Variants in LPA observed in about 807,000 individuals in gnomAD.
LPA encodes lipoprotein(a).
LPA carries 199 observed loss-of-function variants against 197.9 expected under a neutral mutation model. The ratio of observed to expected loss-of-function variants is 1.01; its 90% confidence interval spans 0.90 to 1.13. The LOEUF (loss-of-function observed/expected upper bound fraction) is 1.13. LPA is among the 50% of genes most tolerant of loss of function. The pLI is 0.00. For synonymous variants in LPA, 715 were observed against 639.5 expected, an observed-to-expected ratio of 1.12 and a Z score of -1.78; for missense variants, 1,853 against 1,785.8, an observed-to-expected ratio of 1.04 and a Z score of -0.68.
At chr6:160,647,990 G>A (rs1393742094) in intron 2 of LPA, among the ~76,000 whole-genome samples, 1 of 152,080 alleles carries the variant, frequency 6.6e-6, no homozygotes, top group Non-Finnish European at 1.5e-5. Flanking sequence ...CACCTCTTTT[G>A]TTACATAAGC....
At chr6:160,663,020 A>T (rs1056434099) in intron 1 of LPA, among the ~76,000 whole-genome samples, 1 of 152,214 alleles carries the variant, frequency 6.6e-6, no homozygotes, top group Admixed American at 6.5e-5. Flanking sequence ...CAACTGCTCA[A>T]CTACCTGGTG....
In LPA at chr6:160,578,620, C is replaced by T. The variant is rs754129341; in HGVS notation, c.4374G>A (p.Glu1458=). 3.1e-6 allele frequency: 5 copies of T among 1,614,016 alleles called. No individual in the cohort carries two copies. The highest frequency in any genetic ancestry group is 1.1e-5 in the South Asian group (1 of 91,078). ...CTGGACATCGTGTCAGGTTGCAGTA[C>T]TCCCACCTGACACTGGGATCCATGG... The part of the protein sequence containing the change: ...CYTMDPSVRW[E]YCNLTRCPVT... The change falls in exon 27 of 39, where the codon GAG becomes GAA. Residue 1458 remains glutamate, a synonymous_variant. Coordinates refer to ENST00000316300, the MANE Select transcript of LPA (RefSeq NM_005577.4).
intron 1 of LPA, among the ~76,000 whole-genome samples, chr6:160,654,060 A>T (rs1582902790): frequency 2.5e-4 from 3 of 12,210 alleles, no homozygotes; most frequent in Admixed American, 2.3e-3. Flanking sequence ...AATATATTAT[A>T]TATATTATAT....
chr6:160,611,498 T>A (rs537170521), intron 16 of LPA, 64 bp downstream of exon 16: 12 of 1,594,736 alleles, frequency 7.5e-6, no homozygotes, highest in Admixed American at 1.7e-5. Flanking sequence ...GCTTGAAGCA[T>A]GTCTCTTGTC....
intron 38 of LPA, 138 bp downstream of exon 38, chr6:160,532,393 G>A: frequency 2.6e-6 from 2 of 755,400 alleles, no homozygotes; most frequent in Admixed American, 1.8e-5. Flanking sequence ...GACAGATCTG[G>A]GGAGTTTCTG....
intron 28 of LPA, among the ~76,000 whole-genome samples, chr6:160,568,929 TGG>T (rs1778512689): frequency 6.6e-6 from 1 of 152,158 alleles, no homozygotes; most frequent in African/African-American, 2.4e-5. Context: ...TTACAAGGGA[TGG>T]GAAGGACCTC....
chr6:160,647,167 G>C (rs903332062), intron 2 of LPA, among the ~76,000 whole-genome samples: 15 of 152,130 alleles, frequency 9.9e-5, no homozygotes, highest in Non-Finnish European at 2.1e-4. Flanking sequence ...CAGAACTGGG[G>C]GATGAGTTGA....
chr6:160,588,861 A>G (rs1778967866), intron 24 of LPA, among the ~76,000 whole-genome samples: 1 of 152,148 alleles, frequency 6.6e-6, no homozygotes, highest in African/African-American at 2.4e-5. Flanking sequence ...AGTTCTCTCA[A>G]GCCTACCATA....
At position 160,591,069 on chromosome 6, in the gene LPA, T is replaced by G; in HGVS notation, c.3662A>C (p.Asp1221Ala). The G allele has an allele frequency of 6.2e-7, 1 of 1,613,916 alleles. No individual in the cohort carries two copies. The highest frequency in any genetic ancestry group is 8.5e-7 in the Non-Finnish European group (1 of 1,179,910). ...GLTRNYCRNP[D>A]AEISPWCYTM... ...ATAACACCAAGGACTAATCTCAGCATCTGGATTCCTGCAGTAGTTCCTGGT... is the reference window on the plus strand; with the variant it reads ...ATAACACCAAGGACTAATCTCAGCAGCTGGATTCCTGCAGTAGTTCCTGGT... The change falls in exon 23 of 39, where the codon GAT becomes GCT. Residue 1221 changes from aspartate (D) to alanine (A), a missense_variant. Around this residue, in one of 3 missense-constraint regions of LPA, gnomAD observed 1,737 missense variants for 1,504.4 expected, o/e 1.15. Coordinates refer to ENST00000316300, the MANE Select transcript of LPA (RefSeq NM_005577.4).
chr6:160,539,963 A>G, intron 36 of LPA, 80 bp downstream of exon 36: 6 of 1,579,804 alleles, frequency 3.8e-6, no homozygotes, highest in Non-Finnish European at 4.4e-6. Flanking sequence ...ACTGCCATGC[A>G]GTGGCCATGG....
intron 28 of LPA, among the ~76,000 whole-genome samples, chr6:160,560,100 C>G (rs184287046): frequency 2.7e-3 from 409 of 152,296 alleles, no homozygotes; most frequent in African/African-American, 9.1e-3. Flanking sequence ...TCATCCATGT[C>G]CCTGCAAAAG....
Position 160,606,599 on chromosome 6 carries a change from G to C in LPA, c.2663C>G (p.Thr888Arg). The C allele has an allele frequency of 1.2e-6, 2 of 1,613,906 alleles. No individual in the cohort carries two copies. Among genetic ancestry groups the C allele is most frequent in the East Asian group, 2.2e-5 (1 of 44,872 alleles). Residue 888 changes from threonine (T) to arginine (R), a missense_variant, in exon 17 of 39, where the codon ACG (threonine) becomes AGG (arginine). This residue lies in a region of LPA where 1,737 missense variants were observed against 1,504.4 expected (regional missense o/e 1.15). Coordinates refer to ENST00000316300, the MANE Select transcript of LPA (RefSeq NM_005577.4). ...CTCCCACCTGACACTGGGATCCCTC[G>C]TATAACAATAAGGGGCTGCCACAGG... The part of the protein sequence containing the change: ...PDPVAAPYCY[T>R]RDPSVRWEYC...
chr6:160,573,138 T>C (rs1778592587), intron 28 of LPA, among the ~76,000 whole-genome samples: 1 of 152,142 alleles, frequency 6.6e-6, no homozygotes, highest in Admixed American at 6.6e-5. Flanking sequence ...TTCTTATCCT[T>C]TATTCTTTGT....
chr6:160,558,967 C>T (rs1048565620), intron 28 of LPA, among the ~76,000 whole-genome samples: 10 of 152,244 alleles, frequency 6.6e-5, no homozygotes, highest in African/African-American at 2.4e-4. Context: ...CTCCAAGCAA[C>T]TGGATGTGCT....
intron 28 of LPA, among the ~76,000 whole-genome samples, chr6:160,576,363 TATAC>T (rs1346490964): frequency 3.3e-3 from 124 of 37,654 alleles, no homozygotes; most frequent in African/African-American, 4.5e-3. Flanking sequence ...TATATATATA[TATAC>T]ATATATATAT....
At position 160,600,457 on chromosome 6, in the gene LPA, G is replaced by C. The variant is rs116387278; in HGVS notation, c.3127+460C>G. On this transcript the variant is annotated intron_variant, in intron 19 of 38. Transcript: ENST00000316300. ...ATGTACTACTCCACAGACCCAGGGA[G>C]ATATGGAATTAATGCAACCCAGTTA... 4.5e-3 allele frequency among the ~76,000 whole-genome samples: 678 copies of C among 152,200 alleles called. 8 individuals are homozygous for C. The highest frequency in any genetic ancestry group is 0.016 in the African/African-American group (671 of 41,524).
chr6:160,657,807 A>G (rs1215540312), intron 1 of LPA, among the ~76,000 whole-genome samples: 1 of 152,074 alleles, frequency 6.6e-6, no homozygotes, highest in Non-Finnish European at 1.5e-5. Flanking sequence ...CCCTTCCACC[A>G]TTATCCCTTA....
At chr6:160,615,382 G>GTAGCTCATTCTGTAGGT (rs1779578598) in intron 14 of LPA, among the ~76,000 whole-genome samples, 1 of 129,328 alleles carries the variant, frequency 7.7e-6, no homozygotes, top group Non-Finnish European at 1.7e-5. Flanking sequence ...GTGTGTGTGT[G>GTAGCTCATTCTGTAGGT]TGTAGCTCAT....
At chr6:160,606,245 G>C (rs1339579931) in intron 17 of LPA, among the ~76,000 whole-genome samples, 2 of 152,076 alleles carry the variant, frequency 1.3e-5, no homozygotes, top group Admixed American at 1.3e-4. Context: ...TTGTGAAGTC[G>C]ATCACCCTGG....
Sources: gnomAD v4.1 joint callset for allele counts (sites outside exome capture counted in the v4.1 genomes callset) on GRCh38, gnomAD v4.1.1 for gene constraint, gnomAD v4.1.1 regional missense constraint, MANE v1.5 for transcripts, NCBI Gene and HGNC (gene_info 2026-07-23, HGNC 2026-07-21) for gene names.